Variants in ADAM2 observed in about 807,000 individuals in gnomAD.
The protein encoded by ADAM2 is ADAM metallopeptidase domain 2, also known as disintegrin and metalloproteinase domain-containing protein 2.
A neutral mutation model predicts 99.3 loss-of-function variants in ADAM2; 101 were observed. That is an observed-to-expected ratio of 1.02 (90% CI 0.87 to 1.20). The LOEUF (loss-of-function observed/expected upper bound fraction) is 1.20. Ranked by LOEUF, ADAM2 falls within the 50% of genes most tolerant of loss-of-function variation. The probability of loss-of-function intolerance (pLI) is 0.00; values close to 1 mark genes in which losing one functional copy is unlikely to be tolerated. For synonymous variants in ADAM2, 323 were observed against 287.6 expected (o/e 1.12, Z -1.25); for missense variants, 948 against 878.7 (o/e 1.08, Z -1.00).
intron 7 of ADAM2, among the ~76,000 whole-genome samples, chr8:39,794,244 T>C (rs1015651998): frequency 2.0e-5 from 3 of 152,160 alleles, no homozygotes; most frequent in African/African-American, 7.2e-5. Flanking sequence ...CTTTAAATGG[T>C]ATTGCCAACA....
At chr8:39,820,622 A>T (rs1273040077) in intron 6 of ADAM2, among the ~76,000 whole-genome samples, 1 of 152,144 alleles carries the variant, frequency 6.6e-6, no homozygotes, top group Non-Finnish European at 1.5e-5. Flanking sequence ...CAGTTCCCTT[A>T]CAAGATAGGG....
chr8:39,810,429 T>C (rs1188116109), intron 6 of ADAM2, among the ~76,000 whole-genome samples: 2 of 152,112 alleles, frequency 1.3e-5, no homozygotes, highest in Non-Finnish European at 2.9e-5. Context: ...CTGCACCAAG[T>C]GGACCTAATA....
rs1194419015 is a variant in ADAM2 at position 39,749,701 on chromosome 8, T to A, written c.1841A>T (p.Tyr614Phe). The A allele has an allele frequency of 2.5e-6, 4 of 1,612,460 alleles. No homozygotes were observed. The South Asian group carries it at 4.4e-5, about 18-fold the overall frequency. The change falls in exon 17 of 21, where the codon TAT (tyrosine) becomes TTT (phenylalanine). Residue 614 changes from tyrosine to phenylalanine, a missense_variant. Tyr to Phe is a conservative substitution (Grantham distance 22). Transcript: ENST00000265708. ...QRCVSSSYLG[Y>F]DCTTDKCNDR... ...ATTGCATTTGTCAGTAGTACAATCA[T>A]AACCCAAGTATGAAGAACTCACACA...
intron 7 of ADAM2, among the ~76,000 whole-genome samples, chr8:39,799,345 G>T (rs1269838591): frequency 6.6e-6 from 1 of 152,186 alleles, no homozygotes; most frequent in Non-Finnish European, 1.5e-5. Context: ...ACATTGTGTG[G>T]TTTTGAGTGA....
intron 10 of ADAM2, among the ~76,000 whole-genome samples, chr8:39,783,613 T>C (rs548662109): frequency 4.3e-4 from 66 of 152,290 alleles, no homozygotes; most frequent in Non-Finnish European, 7.8e-4. Context: ...TAAAGACGTA[T>C]AATTGTCGCA....
intron 7 of ADAM2, among the ~76,000 whole-genome samples, chr8:39,807,584 C>G (rs561752135): frequency 2.6e-5 from 4 of 152,008 alleles, no homozygotes; most frequent in Non-Finnish European, 5.9e-5. Flanking sequence ...GGGGTGGGCC[C>G]CTCAAGATGA....
intron 17 of ADAM2, 63 bp downstream of exon 17, chr8:39,749,604 A>G: frequency 7.3e-7 from 1 of 1,370,668 alleles, no homozygotes; most frequent in South Asian, 1.3e-5. Flanking sequence ...TGTGTGTAGC[A>G]ATGCAGTTTC....
chr8:39,781,290 C>T (rs576760498), intron 10 of ADAM2, among the ~76,000 whole-genome samples: 43 of 151,912 alleles, frequency 2.8e-4, no homozygotes, highest in African/African-American at 5.8e-4. Context: ...TGTGTGTGTG[C>T]GCATGTGTGT....
At chr8:39,766,027 C>T (rs1176392154) in intron 14 of ADAM2, among the ~76,000 whole-genome samples, 2 of 152,134 alleles carry the variant, frequency 1.3e-5, no homozygotes, top group African/African-American at 4.8e-5. Flanking sequence ...ATAGTTTGCA[C>T]CATGGTTTTC....
At position 39,772,078 on chromosome 8, in the gene ADAM2, T is replaced by C. The variant is rs577274577; in HGVS notation, c.1029-2503A>G. On this transcript the variant is annotated intron_variant, in intron 11 of 20. Coordinates refer to ENST00000265708, the MANE Select transcript of ADAM2 (RefSeq NM_001464.5). ...TGTACCCTAGAACTTAAAAGTATAA[T>C]AAAAAAAAAGAAAGAGGGGAGAGAG... Among the ~76,000 whole-genome samples the C allele has an allele frequency of 1.7e-3, 79 of 47,304 alleles. No individual in the cohort carries two copies. The East Asian group carries it at 0.033, about 20-fold the overall frequency. 31.0% of individuals were successfully genotyped at this position (47,304 alleles called of 152,430 possible).
chr8:39,810,896 C>T (rs1310223543), intron 6 of ADAM2, among the ~76,000 whole-genome samples: 1 of 151,976 alleles, frequency 6.6e-6, no homozygotes, highest in African/African-American at 2.4e-5. Flanking sequence ...AGAGCAAACA[C>T]ATTCAAAACC....
chr8:39,762,705 C>A (rs1372332560), intron 14 of ADAM2, among the ~76,000 whole-genome samples: 1 of 152,092 alleles, frequency 6.6e-6, no homozygotes, highest in Non-Finnish European at 1.5e-5. Flanking sequence ...AAAAATTCTG[C>A]CTGTGGACTT....
chr8:39,832,835 T>C (rs1805671422), intron 3 of ADAM2, among the ~76,000 whole-genome samples: 1 of 26,504 alleles, frequency 3.8e-5, no homozygotes, highest in Admixed American at 2.5e-4. Flanking sequence ...AACCACATTA[T>C]ATGTATGTAA....
At chr8:39,776,629 G>A (rs1212163880) in intron 11 of ADAM2, among the ~76,000 whole-genome samples, 3 of 152,108 alleles carry the variant, frequency 2.0e-5, no homozygotes, top group Non-Finnish European at 4.4e-5. Flanking sequence ...CTGAATGGCA[G>A]CATCTCTGAA....
intron 10 of ADAM2, among the ~76,000 whole-genome samples, chr8:39,778,739 A>G (rs1015625307): frequency 6.6e-6 from 1 of 152,010 alleles, no homozygotes; most frequent in African/African-American, 2.4e-5. Context: ...GAAGAAGGGG[A>G]AGGAGAAGGA....
At chr8:39,767,465 T>C (rs1172674826) in intron 12 of ADAM2, among the ~76,000 whole-genome samples, 1 of 152,208 alleles carries the variant, frequency 6.6e-6, no homozygotes, top group Admixed American at 6.5e-5. Flanking sequence ...ATTGCTATAA[T>C]AGGTTTGGTT....
At chr8:39,759,814 A>G (rs1019645652) in intron 15 of ADAM2, among the ~76,000 whole-genome samples, 1 of 152,330 alleles carries the variant, frequency 6.6e-6, no homozygotes, top group Non-Finnish European at 1.5e-5. Context: ...ATATCAACAT[A>G]AAATTTTACA....
rs185286829 is a variant in ADAM2 at position 39,770,151 on chromosome 8, G to T, written c.1029-576C>A. 6.3e-3 allele frequency among the ~76,000 whole-genome samples: 955 copies of T among 152,128 alleles called. 4 individuals carry two copies. The highest frequency in any genetic ancestry group is 0.01 in the Non-Finnish European group (695 of 67,964). ...TTTAGTAGAGATGGGGTTTCACCAT[G>T]TTGGCCAGGCTGGTCTAGAACTCCT... On this transcript the variant is annotated intron_variant, in intron 11 of 20. Transcript: ENST00000265708.
At chr8:39,812,551 C>T (rs1009112621) in intron 6 of ADAM2, among the ~76,000 whole-genome samples, 8 of 152,290 alleles carry the variant, frequency 5.3e-5, no homozygotes, top group African/African-American at 1.9e-4. Flanking sequence ...GTAACCAAAA[C>T]AGCATGGTAC....
Sources: gnomAD v4.1 joint callset for allele counts (sites outside exome capture counted in the v4.1 genomes callset) on GRCh38, gnomAD v4.1.1 for gene constraint, MANE v1.5 for transcripts, NCBI Gene and HGNC (gene_info 2026-07-23, HGNC 2026-07-21) for gene names.